The following DNAH9 variants were observed in gnomAD, a reference collection of about 807,000 sequenced individuals.
The protein encoded by DNAH9 is DNAH9 variant protein.
A neutral mutation model predicts 471.6 loss-of-function variants in DNAH9; 345 were observed. The observed-to-expected ratio is 0.73, with a 90% CI of 0.67 to 0.80. The LOEUF (loss-of-function observed/expected upper bound fraction) is 0.80, where lower values mean the gene tolerates loss of function less well. DNAH9 is among the 30% of genes least tolerant of loss of function. DNAH9 has a pLI of 0.00. For synonymous variants in DNAH9, 2,093 were observed against 2,123.6 expected (o/e 0.99, Z 0.40); for missense variants, 5,407 against 5,609.2 (o/e 0.96, Z 1.15).
intron 8 of DNAH9, among the ~76,000 whole-genome samples, chr17:11,634,334 G>A (rs1354072811): frequency 6.6e-6 from 1 of 152,164 alleles, no homozygotes; most frequent in African/African-American, 2.4e-5. Context: ...ATAAGCTCAT[G>A]CAGAGAAGAA....
intron 19 of DNAH9, among the ~76,000 whole-genome samples, chr17:11,686,492 C>G (rs149907492): frequency 6.6e-6 from 1 of 152,040 alleles, no homozygotes; most frequent in South Asian, 2.1e-4. Context: ...TTTTTAGGCA[C>G]GTGGACGAGG....
chr17:11,900,100 G>GAA (rs10627147), intron 59 of DNAH9, among the ~76,000 whole-genome samples: 92,362 of 148,524 alleles, frequency 0.62, 30,768 homozygotes, highest in Middle Eastern at 0.77. Context: ...TTTTCCAAAT[G>GAA]AAAAAAAAAA....
intron 48 of DNAH9, among the ~76,000 whole-genome samples, chr17:11,824,967 G>A (rs1277575504): frequency 6.6e-6 from 1 of 151,192 alleles, no homozygotes; most frequent in Non-Finnish European, 1.5e-5. Flanking sequence ...TTTGCTCTGT[G>A]GTTTTATATA....
intron 61 of DNAH9, among the ~76,000 whole-genome samples, chr17:11,920,620 CAA>C (rs778741343): frequency 1.6e-4 from 10 of 61,940 alleles, no homozygotes; most frequent in Admixed American, 3.9e-4. Flanking sequence ...GACTCCATCT[CAA>C]AAAAAAAAAA....
Position 11,680,897 on chromosome 17 carries a change from C to T in DNAH9, c.3743+8C>T, listed in dbSNP as rs1466391750. ...CAAAGAAGCCCCGTTCAGGTATGGG[C>T]CGAACACTGCTGCCTCTCTTTCTGT... On this transcript the variant is annotated splice_region_variant and intron_variant, in intron 19 of 68. Transcript: ENST00000262442. 2.5e-6 allele frequency: 4 copies of T among 1,602,386 alleles called. No individual in the cohort carries two copies. Among genetic ancestry groups the T allele is most frequent in the Non-Finnish European group, 3.4e-6 (4 of 1,173,926 alleles).
intron 12 of DNAH9, among the ~76,000 whole-genome samples, chr17:11,648,702 A>G (rs1207912874): frequency 6.6e-6 from 1 of 152,088 alleles, no homozygotes; most frequent in African/African-American, 2.4e-5. Flanking sequence ...AAAGGGGGGT[A>G]GGGATAAATA....
intron 5 of DNAH9, 145 bp from the exon 6 acceptor site, chr17:11,619,403 A>G: frequency 1.6e-6 from 1 of 641,922 alleles, no homozygotes; most frequent in Non-Finnish European, 2.8e-6. Context: ...CGCAGTCCAC[A>G]TGTGGAATGG....
chr17:11,799,139 C>G (rs1435976874), intron 43 of DNAH9, among the ~76,000 whole-genome samples: 2 of 152,094 alleles, frequency 1.3e-5, no homozygotes, highest in African/African-American at 4.8e-5. Flanking sequence ...TTCTAGCCCA[C>G]CTCAGTTCTC....
chr17:11,688,676 G>T (rs1431171861), intron 19 of DNAH9, among the ~76,000 whole-genome samples: 1 of 152,118 alleles, frequency 6.6e-6, no homozygotes, highest in Admixed American at 6.5e-5. Context: ...GAGCAGTCTG[G>T]GCATGGGGAT....
chr17:11,790,802 AG>A (rs1403534345), intron 41 of DNAH9, among the ~76,000 whole-genome samples: 5 of 152,114 alleles, frequency 3.3e-5, no homozygotes, highest in Non-Finnish European at 5.9e-5. Context: ...CTTTTAGCAT[AG>A]TATACATCCT....
intron 27 of DNAH9, among the ~76,000 whole-genome samples, chr17:11,726,405 A>G (rs2075152372): frequency 6.6e-6 from 1 of 152,242 alleles, no homozygotes; most frequent in Non-Finnish European, 1.5e-5. Flanking sequence ...AATTGTAAGT[A>G]GGCCAAAACG....
At chr17:11,849,124 C>T (rs530753537) in intron 49 of DNAH9, among the ~76,000 whole-genome samples, 4 of 152,312 alleles carry the variant, frequency 2.6e-5, no homozygotes, top group African/African-American at 9.6e-5. Context: ...GCGTGAGCCA[C>T]CGCACCTGGC....
intron 61 of DNAH9, among the ~76,000 whole-genome samples, chr17:11,920,634 A>AGAAC: frequency 6.6e-6 from 1 of 151,194 alleles, no homozygotes; most frequent in African/African-American, 2.4e-5. Flanking sequence ...AAAAAAAAAA[A>AGAAC]AGAAAAGAAA....
chr17:11,717,489 C>A (rs768126553), intron 26 of DNAH9, among the ~76,000 whole-genome samples: 1 of 152,060 alleles, frequency 6.6e-6, no homozygotes, highest in Non-Finnish European at 1.5e-5. Context: ...AGTCTCTGGT[C>A]ATCTCATAAT....
chr17:11,965,243 G>A (rs912949245), intron 68 of DNAH9, among the ~76,000 whole-genome samples: 2 of 152,292 alleles, frequency 1.3e-5, no homozygotes, highest in African/African-American at 4.8e-5. Context: ...TAGGAAAACA[G>A]GGGAGTGAAA....
chr17:11,858,855 G>A (rs1228313520), intron 50 of DNAH9, among the ~76,000 whole-genome samples: 1 of 152,054 alleles, frequency 6.6e-6, no homozygotes, highest in East Asian at 1.9e-4. Flanking sequence ...AGGCTGAGGT[G>A]GTTGCATCAC....
intron 12 of DNAH9, among the ~76,000 whole-genome samples, chr17:11,649,390 T>C (rs971262300): frequency 4.6e-5 from 7 of 152,208 alleles, no homozygotes; most frequent in Non-Finnish European, 7.3e-5. Context: ...TTTAGTTTAA[T>C]AGACTGCATG....
chr17:11,918,538 C>T (rs1432262315), intron 61 of DNAH9, among the ~76,000 whole-genome samples: 2 of 151,830 alleles, frequency 1.3e-5, no homozygotes, highest in East Asian at 3.9e-4. Flanking sequence ...GCCCTCTTTT[C>T]TTTAAAAGGC....
intron 62 of DNAH9, among the ~76,000 whole-genome samples, chr17:11,929,096 G>A (rs1055250480): frequency 6.9e-5 from 10 of 144,522 alleles, no homozygotes; most frequent in South Asian, 6.5e-4. Flanking sequence ...GTGCAGTGGC[G>A]TGATCTTGGC....
Sources: gnomAD v4.1 joint callset for allele counts (sites outside exome capture counted in the v4.1 genomes callset) on GRCh38, gnomAD v4.1.1 for gene constraint, MANE v1.5 for transcripts, NCBI Gene and HGNC (gene_info 2026-07-23, HGNC 2026-07-21) for gene names.